Variants in GALNT13 observed in about 807,000 individuals in gnomAD.
GALNT13 encodes UDP-GalNAc:polypeptide N-acetylgalactosaminyltransferase 13.
In GALNT13, 28 loss-of-function variants were observed where a neutral mutation model predicts 64.2. The ratio of observed to expected loss-of-function variants is 0.44; its 90% CI spans 0.32 to 0.60. GALNT13 has a LOEUF of 0.60. Among genes scored for constraint, GALNT13 ranks in the 20% least tolerant of loss-of-function variants. GALNT13 has a pLI of 0.05. For missense variants in GALNT13, 577 were observed against 669.8 expected, an observed-to-expected ratio of 0.86 and a Z score of 1.53; for synonymous variants, 214 against 224.6, an observed-to-expected ratio of 0.95 and a Z score of 0.42.
chr2:154,278,113 A>C (rs538800746), intron 8 of GALNT13, among the ~76,000 whole-genome samples: 1 of 152,334 alleles, frequency 6.6e-6, no homozygotes, highest in East Asian at 1.9e-4. Context: ...CCTATATTTT[A>C]GTTGGTCAAC....
chr2:153,829,297 C>G, the GALNT13 span, among the ~76,000 whole-genome samples: 1 of 152,002 alleles, frequency 6.6e-6, no homozygotes, highest in African/African-American at 2.4e-5. Context: ...AAAGGCATAC[C>G]TAAGACTGGG....
chr2:153,775,473 A>G, the GALNT13 span, among the ~76,000 whole-genome samples: 3 of 152,128 alleles, frequency 2.0e-5, no homozygotes, highest in African/African-American at 4.8e-5. Flanking sequence ...TCAGATTTCT[A>G]TTGAGGGCAA....
At chr2:153,767,904 T>G in the GALNT13 span, among the ~76,000 whole-genome samples, 1 of 152,170 alleles carries the variant, frequency 6.6e-6, no homozygotes, top group African/African-American at 2.4e-5. Context: ...TTAAGTGGTC[T>G]GTTTACTCTG....
chr2:154,214,485 G>T (rs962819255), intron 4 of GALNT13, among the ~76,000 whole-genome samples: 6 of 152,090 alleles, frequency 3.9e-5, no homozygotes, highest in Admixed American at 3.9e-4. Context: ...GTTTGGCTCT[G>T]GGTCGCCATC....
the GALNT13 span, among the ~76,000 whole-genome samples, chr2:153,693,503 C>T: frequency 7.2e-5 from 11 of 151,990 alleles, no homozygotes; most frequent in African/African-American, 2.7e-4. Context: ...AGGCAGATCT[C>T]AATTGATTTA....
chr2:154,277,881 A>G (rs999947419), intron 8 of GALNT13, among the ~76,000 whole-genome samples: 11 of 152,198 alleles, frequency 7.2e-5, no homozygotes, highest in Non-Finnish European at 4.4e-5. Context: ...CAAAATTGAA[A>G]TAAACATTTT....
chr2:154,183,752 T>C (rs1381991103), intron 4 of GALNT13, among the ~76,000 whole-genome samples: 1 of 151,948 alleles, frequency 6.6e-6, no homozygotes, highest in Non-Finnish European at 1.5e-5. Flanking sequence ...CAATTTTGAT[T>C]CTCTTTTCAA....
At chr2:153,262,138 C>G in the GALNT13 span, among the ~76,000 whole-genome samples, 1 of 152,110 alleles carries the variant, frequency 6.6e-6, no homozygotes, top group Non-Finnish European at 1.5e-5. Flanking sequence ...AGGGGTCTTT[C>G]CTTATAGCCA....
At chr2:153,620,531 T>A in the GALNT13 span, among the ~76,000 whole-genome samples, 1 of 151,964 alleles carries the variant, frequency 6.6e-6, no homozygotes, top group Non-Finnish European at 1.5e-5. Flanking sequence ...TTCTGCTTGA[T>A]CAATTCTGCT....
chr2:153,570,179 C>T, the GALNT13 span, among the ~76,000 whole-genome samples: 2 of 152,010 alleles, frequency 1.3e-5, no homozygotes, highest in Admixed American at 6.6e-5. Context: ...TTTTGATTTG[C>T]ATTTCTCTGA....
At chr2:153,263,598 C>T in the GALNT13 span, among the ~76,000 whole-genome samples, 5 of 152,084 alleles carry the variant, frequency 3.3e-5, no homozygotes, top group African/African-American at 9.7e-5. Flanking sequence ...CACATACAGA[C>T]ACATAGACAA....
At chr2:153,373,665 A>T in the GALNT13 span, among the ~76,000 whole-genome samples, 1 of 152,192 alleles carries the variant, frequency 6.6e-6, no homozygotes, top group Non-Finnish European at 1.5e-5. Context: ...GTGATCATTA[A>T]CCACCATTCA....
chr2:154,443,381 A>G (rs973464529), intron 12 of GALNT13, among the ~76,000 whole-genome samples: 13 of 152,102 alleles, frequency 8.5e-5, no homozygotes, highest in African/African-American at 3.1e-4. Flanking sequence ...ACTTTGTTAT[A>G]TTAATTTTTA....
intron 8 of GALNT13, among the ~76,000 whole-genome samples, chr2:154,280,143 C>T (rs1035287550): frequency 2.8e-4 from 42 of 152,260 alleles, no homozygotes; most frequent in African/African-American, 9.4e-4. Context: ...CTGTCTATCA[C>T]GATGGTGGGG....
the GALNT13 span, among the ~76,000 whole-genome samples, chr2:153,550,963 T>C: frequency 4.1e-3 from 631 of 152,202 alleles, 7 homozygotes; most frequent in African/African-American, 0.014. Context: ...ATAAATACTA[T>C]GGAGAAAAAT....
At chr2:153,719,893 C>T in the GALNT13 span, among the ~76,000 whole-genome samples, 3 of 152,224 alleles carry the variant, frequency 2.0e-5, no homozygotes, top group South Asian at 4.2e-4. Context: ...GAGGGGCTCC[C>T]GCCATTGCCC....
intron 3 of GALNT13, among the ~76,000 whole-genome samples, chr2:153,953,301 A>G (rs948676844): frequency 3.3e-5 from 5 of 152,208 alleles, no homozygotes; most frequent in Admixed American, 6.5e-5. Flanking sequence ...TCTATAGAAA[A>G]AAGATACATA....
At chr2:153,092,746 A>T in the GALNT13 span, among the ~76,000 whole-genome samples, 30,057 of 152,064 alleles carry the variant, frequency 0.2, 3,314 homozygotes, top group Non-Finnish European at 0.26. Flanking sequence ...GGCATCTAGG[A>T]TTTTCCAAAT....
intron 2 of GALNT13, among the ~76,000 whole-genome samples, chr2:153,914,194 A>G (rs1689171895): frequency 6.6e-6 from 1 of 152,224 alleles, no homozygotes; most frequent in Admixed American, 6.5e-5. Flanking sequence ...ACACAGGAAG[A>G]ATGAACATTC....
Sources: allele counts gnomAD v4.1 joint callset (sites outside exome capture counted in the v4.1 genomes callset), GRCh38; gene constraint gnomAD v4.1.1; transcripts MANE v1.5; gene names NCBI Gene and HGNC (gene_info 2026-07-23, HGNC 2026-07-21).